ENTPD3: variants seen among roughly 807,000 people sequenced by gnomAD.
ENTPD3 encodes the protein ectonucleoside triphosphate diphosphohydrolase 3.
ENTPD3 carries 60 observed loss-of-function variants against 51.2 expected under a neutral mutation model. The ratio of observed to expected loss-of-function variants is 1.17; its 90% CI spans 0.95 to 1.45. ENTPD3 has a LOEUF of 1.45. Among genes scored for constraint, ENTPD3 ranks in the 40% most tolerant of loss-of-function variants. The probability of loss-of-function intolerance (pLI) is 0.00; values close to 1 mark genes in which losing one functional copy is unlikely to be tolerated. For synonymous variants in ENTPD3, 221 were observed against 238.4 expected (o/e 0.93, Z 0.67); for missense variants, 593 against 641.1 (o/e 0.93, Z 0.81).
At chr3:40,409,615 G>T (rs1365493132) in intron 4 of ENTPD3, among the ~76,000 whole-genome samples, 1 of 152,168 alleles carries the variant, frequency 6.6e-6, no homozygotes, top group Non-Finnish European at 1.5e-5. Context: ...GGGTGGGAAA[G>T]GTTAAGAAAG....
chr3:40,412,038 ACT>A (rs1425850236), intron 5 of ENTPD3, 76 bp downstream of exon 5: 5 of 1,370,358 alleles, frequency 3.6e-6, no homozygotes, highest in Non-Finnish European at 4.8e-6. Context: ...CAAGAATGTA[ACT>A]CTATTTCTGG....
intron 3 of ENTPD3, among the ~76,000 whole-genome samples, chr3:40,394,048 CAAAAAAAAA>C (rs559701033): frequency 6.2e-5 from 4 of 64,410 alleles, no homozygotes; most frequent in Middle Eastern, 0.014. Flanking sequence ...GACTCTGTCT[CAAAAAAAAA>C]AAAAAAAAAA....
Position 40,388,108 on chromosome 3 carries a change from C to G in ENTPD3, c.40+11C>G. ...CATGTGAGCAAGCAGGTTAGTATCT[C>G]TCAGCAGGTAGCAAGCGTGGTTTTG... On this transcript the variant is annotated intron_variant, in intron 2 of 10. Coordinates refer to ENST00000301825, the MANE Select transcript of ENTPD3 (RefSeq NM_001248.4). 6.2e-7 allele frequency: 1 copy of G among 1,614,070 alleles called. No homozygotes were observed. The highest frequency in any genetic ancestry group is 8.5e-7 in the Non-Finnish European group (1 of 1,179,948).
At chr3:40,396,455 G>C (rs1955202264) in intron 3 of ENTPD3, among the ~76,000 whole-genome samples, 1 of 152,168 alleles carries the variant, frequency 6.6e-6, no homozygotes, top group Admixed American at 6.6e-5. Context: ...ACAACAGCCT[G>C]TCTGGAGGGC....
At chr3:40,419,524 AG>A (rs1955817813) in intron 7 of ENTPD3, among the ~76,000 whole-genome samples, 2 of 152,214 alleles carry the variant, frequency 1.3e-5, no homozygotes. Context: ...CATTTGAAGC[AG>A]TAACAAAAAA....
At position 40,411,892 on chromosome 3, in the gene ENTPD3, C is replaced by A. The variant is rs201913746; in HGVS notation, c.367C>A (p.Gln123Lys). ...FEECMQKVKGQVPSHLHGSTP... is the reference protein window; with the variant it reads ...FEECMQKVKGKVPSHLHGSTP... ...GGAGTGTATGCAAAAAGTCAAGGGG[C>A]AGGTTCCATCCCACCTCCACGGATC... The change falls in exon 5 of 11, where the codon CAG becomes AAG. Residue 123 changes from glutamine (Q) to lysine (K), a missense_variant. Transcript: ENST00000301825. The A allele has an allele frequency of 5.9e-5, 95 of 1,612,708 alleles. No homozygotes were observed. The highest frequency in any genetic ancestry group is 3.4e-6 in the Non-Finnish European group (4 of 1,179,496).
At chr3:40,392,304 G>C in intron 3 of ENTPD3, 154 bp downstream of exon 3, 1 of 805,620 alleles carries the variant, frequency 1.2e-6, no homozygotes, top group East Asian at 2.7e-5. Flanking sequence ...AAGGGAGAAG[G>C]TCTGGACATG....
chr3:40,392,457 T>C (rs1037640998), intron 3 of ENTPD3: 4 of 284,080 alleles, frequency 1.4e-5, no homozygotes, highest in Non-Finnish European at 2.6e-5. Context: ...GATTTACCAG[T>C]TCAGCCAGGT....
At chr3:40,420,924 G>A (rs529174531) in intron 7 of ENTPD3, among the ~76,000 whole-genome samples, 113 of 152,110 alleles carry the variant, frequency 7.4e-4, no homozygotes, top group African/African-American at 1.8e-3. Context: ...GGAGGCTAAG[G>A]CAGGAGAATC....
chr3:40,391,004 C>T (rs1387550188), intron 2 of ENTPD3: 1 of 151,920 alleles, frequency 6.6e-6, no homozygotes, highest in Non-Finnish European at 1.5e-5. Context: ...ATTCTGTCAC[C>T]CAGGCTGGTG....
chr3:40,423,301 G>C lies in ENTPD3; in HGVS notation c.1115G>C (p.Gly372Ala), dbSNP rs1955917873. Residue 372 changes from glycine to alanine, a missense_variant, in exon 9 of 11, where the codon GGA becomes GCA. Physicochemically the swap from Gly to Ala is moderately conservative, Grantham distance 60. Transcript: ENST00000301825. Reference sequence around the variant, plus strand: ...ATTACTTATTTCCAGGCTTTTGCAGGATTCTACTACACAGCCAGTGCTTTA... The same window carrying C: ...ATTACTTATTTCCAGGCTTTTGCAGCATTCTACTACACAGCCAGTGCTTTA... ...KIKGPFVAFA[G>A]FYYTASALNL... is the part of the protein sequence containing the mutation. 6.2e-7 allele frequency: 1 copy of C among 1,613,384 alleles called. No homozygotes were observed. The highest frequency in any genetic ancestry group is 8.5e-7 in the Non-Finnish European group (1 of 1,179,492).
intron 4 of ENTPD3, among the ~76,000 whole-genome samples, chr3:40,405,378 G>A (rs189501488): frequency 6.9e-4 from 105 of 151,964 alleles, no homozygotes; most frequent in African/African-American, 2.3e-3. Flanking sequence ...GGTGGTGGGC[G>A]CCTATAATCC....
intron 3 of ENTPD3, among the ~76,000 whole-genome samples, chr3:40,399,992 C>T (rs181459629): frequency 7.2e-4 from 109 of 152,224 alleles, no homozygotes; most frequent in Middle Eastern, 3.4e-3. Context: ...CAGCCGGGCA[C>T]GGTGGCTCAC....
intron 4 of ENTPD3, among the ~76,000 whole-genome samples, chr3:40,409,228 G>A (rs1955572264): frequency 6.6e-6 from 1 of 151,950 alleles, no homozygotes; most frequent in South Asian, 2.1e-4. Context: ...CTCCAGCCTG[G>A]ACAACAAGAG....
chr3:40,427,205 G>A, intron 10 of ENTPD3, 67 bp from the exon 11 acceptor site: 1 of 1,284,130 alleles, frequency 7.8e-7, no homozygotes. Context: ...ATAGCAGTAT[G>A]ACTCCGGTAT....
rs900831786 is a variant in ENTPD3, at chr3:40,420,486, G to A, written c.832-2364G>A. ...GATCTCCTGACCTCGTGATCCGCCC[G>A]CCTTGGCCTCCCAAAGTGCTGGAAT... is the stretch of plus-strand genomic sequence containing the variant. On this transcript the variant is annotated intron_variant, in intron 7 of 10. Coordinates refer to ENST00000301825, the MANE Select transcript of ENTPD3 (RefSeq NM_001248.4). Among the ~76,000 whole-genome samples, 12 of 151,964 alleles carry A rather than the reference G, an allele frequency of 7.9e-5. No homozygotes were observed. In the South Asian group the frequency reaches 1.0e-3, roughly 13 times the overall value.
chr3:40,410,878 A>C (rs1055955459), intron 4 of ENTPD3, among the ~76,000 whole-genome samples: 4 of 152,184 alleles, frequency 2.6e-5, no homozygotes, highest in Admixed American at 6.5e-5. Flanking sequence ...AGGGTGATGG[A>C]TGAAGGAAGA....
At chr3:40,391,675 C>CA (rs769795251) in intron 2 of ENTPD3, 14,333 of 151,858 alleles carry the variant, frequency 0.094, 156 homozygotes, top group African/African-American at 0.17. Flanking sequence ...GACTCCATCT[C>CA]AAAAAAAAAA....
intron 10 of ENTPD3, among the ~76,000 whole-genome samples, chr3:40,426,132 G>C (rs1275069543): frequency 1.6e-5 from 2 of 122,212 alleles, no homozygotes; most frequent in Non-Finnish European, 3.3e-5. Flanking sequence ...TTTTTGAGAC[G>C]GAGTCTCGCT....
Sources: gnomAD v4.1 joint callset for allele counts (sites outside exome capture counted in the v4.1 genomes callset) on GRCh38, gnomAD v4.1.1 for gene constraint, MANE v1.5 for transcripts, NCBI Gene and HGNC (gene_info 2026-07-23, HGNC 2026-07-21) for gene names.